Variants in AGAP1 observed in about 807,000 individuals in gnomAD.
AGAP1 encodes ArfGAP with GTPase domain, ankyrin repeat and PH domain 1, also known as arf-GAP with GTPase, ANK repeat and PH domain-containing protein 1.
A neutral mutation model predicts 105.3 loss-of-function variants in AGAP1; 29 were observed. That is an observed-to-expected ratio of 0.28 (90% CI 0.21 to 0.38). The LOEUF (loss-of-function observed/expected upper bound fraction) is 0.38, where lower values mean the gene tolerates loss of function less well. AGAP1 is among the 10% of genes least tolerant of loss of function. The pLI, the probability that AGAP1 is intolerant of heterozygous loss-of-function variation, is 1.00. For missense variants in AGAP1, 998 were observed against 1,165.1 expected (o/e 0.86, Z 2.09); for synonymous variants, 509 against 485.9 (o/e 1.05, Z -0.63).
At position 235,769,617 on chromosome 2, in the gene AGAP1, A is replaced by G. The variant is rs1363511135; in HGVS notation, c.673+19129A>G. Among the ~76,000 whole-genome samples, 2 of 152,172 alleles carry G rather than the reference A, an allele frequency of 1.3e-5. No homozygotes were observed. Among genetic ancestry groups the G allele is most frequent in the Non-Finnish European group, 2.9e-5 (2 of 68,046 alleles). On this transcript the variant is annotated intron_variant, in intron 6 of 17. Coordinates refer to ENST00000304032, the MANE Select transcript of AGAP1 (RefSeq NM_001037131.3). This position sits in a 1 kb window ranked among gnomAD's most constrained non-coding sequence, Gnocchi z 4.4. ...AGTTAGGATGCTCTTGAAGAAGTTT[A>G]GTGACATTCAGAGGAAATCCTTCCA...
rs910051427 is a variant in AGAP1, at chr2:235,733,207, G to A, written c.311-7756G>A. On this transcript the variant is annotated intron_variant, in intron 3 of 17. Transcript: ENST00000304032. The surrounding 1 kb of genome is among the most constrained non-coding windows in gnomAD (Gnocchi z 5.0). ...CCCCCCTGCGTGGGTCACTTCTCCC[G>A]CTCACCAGGCAACACGGGCATCTTC... 5.3e-5 allele frequency among the ~76,000 whole-genome samples: 8 copies of A among 152,256 alleles called. No individual in the cohort carries two copies. In the South Asian group the frequency reaches 8.3e-4, roughly 16 times the overall value.
chr2:236,061,138 C>A lies in AGAP1; in HGVS notation c.2114+11857C>A, dbSNP rs972017046. Among the ~76,000 whole-genome samples, 1 of 152,064 alleles carries A rather than the reference C, an allele frequency of 6.6e-6. No individual in the cohort carries two copies. Among genetic ancestry groups the A allele is most frequent in the African/African-American group, 2.4e-5 (1 of 41,392 alleles). On this transcript the variant is annotated intron_variant, in intron 16 of 17. Coordinates refer to ENST00000304032, the MANE Select transcript of AGAP1 (RefSeq NM_001037131.3). The surrounding 1 kb of genome is among the most constrained non-coding windows in gnomAD (Gnocchi z 4.1). ...TTTCTCCAGAAAATATAAAAATGGC[C>A]AGTAAATACATGAAAAGATGCCTAA...
At chr2:236,033,179 A>G (rs1021229172) in intron 13 of AGAP1, among the ~76,000 whole-genome samples, 2 of 152,116 alleles carry the variant, frequency 1.3e-5, no homozygotes, top group African/African-American at 4.8e-5. Context: ...TGGGAGGCGG[A>G]GGTTGCAGTG....
chr2:235,531,221 G>A (rs1943033953), intron 1 of AGAP1, among the ~76,000 whole-genome samples: 1 of 152,064 alleles, frequency 6.6e-6, no homozygotes, highest in Non-Finnish European at 1.5e-5. Flanking sequence ...CTTTTTGCTG[G>A]GAGGCAGTGC....
At chr2:236,103,244 C>G (rs146301819) in intron 16 of AGAP1, among the ~76,000 whole-genome samples, 1 of 152,210 alleles carries the variant, frequency 6.6e-6, no homozygotes, top group Non-Finnish European at 1.5e-5. Context: ...GGAAAAATCT[C>G]TACACCGAGG....
chr2:235,798,301 A>G (rs1957334856), intron 7 of AGAP1, among the ~76,000 whole-genome samples: 1 of 152,340 alleles, frequency 6.6e-6, no homozygotes, highest in South Asian at 2.1e-4. Flanking sequence ...CTTAGGTCCC[A>G]TAGAAACTGC....
At chr2:235,851,276 G>T (rs540962541) in intron 9 of AGAP1, among the ~76,000 whole-genome samples, 1 of 152,316 alleles carries the variant, frequency 6.6e-6, no homozygotes, top group Non-Finnish European at 1.5e-5. Flanking sequence ...CCTGCTGCTC[G>T]GTCGGAGCTG....
chr2:236,104,826 G>A lies in AGAP1; in HGVS notation c.2115-15366G>A, dbSNP rs2059444882. Among the ~76,000 whole-genome samples, 1 of 152,184 alleles carries A rather than the reference G, an allele frequency of 6.6e-6. No homozygotes were observed. Among genetic ancestry groups the A allele is most frequent in the Non-Finnish European group, 1.5e-5 (1 of 68,032 alleles). On this transcript the variant is annotated intron_variant, in intron 16 of 17. Transcript: ENST00000304032. This position sits in a 1 kb window ranked among gnomAD's most constrained non-coding sequence, Gnocchi z 4.7. ...GAGAATCGCTTGAACCGGGACCCGG[G>A]AGGCGGAGGTAGCAGTGAGCCCAAG...
chr2:235,692,968 G>C lies in AGAP1; in HGVS notation c.164-16211G>C, dbSNP rs1002508574. ...GAGTTGGCAGGTACTGTGCATGGGA[G>C]AGGGAGTGTGGCCTGCAGGCCAGTG... is the stretch of plus-strand genomic sequence containing the variant. On this transcript the variant is annotated intron_variant, in intron 1 of 17. Transcript: ENST00000304032. This position sits in a 1 kb window ranked among gnomAD's most constrained non-coding sequence, Gnocchi z 5.8. 6.6e-6 allele frequency among the ~76,000 whole-genome samples: 1 copy of C among 152,162 alleles called. No individual in the cohort carries two copies. Among genetic ancestry groups the C allele is most frequent in the African/African-American group, 2.4e-5 (1 of 41,438 alleles).
intron 1 of AGAP1, among the ~76,000 whole-genome samples, chr2:235,666,734 A>G (rs914371923): frequency 2.0e-5 from 3 of 151,508 alleles, no homozygotes; most frequent in South Asian, 2.1e-4. Context: ...GGGAGACACA[A>G]ACAGTCCAGT....
intron 13 of AGAP1, among the ~76,000 whole-genome samples, chr2:235,998,544 G>A (rs1266092410): frequency 2.0e-5 from 3 of 152,194 alleles, no homozygotes; most frequent in African/African-American, 7.2e-5. Flanking sequence ...CTGGGAAAAT[G>A]GAATGAGATA....
At chr2:235,547,923 A>G (rs867855080) in intron 1 of AGAP1, among the ~76,000 whole-genome samples, 61 of 152,230 alleles carry the variant, frequency 4.0e-4, no homozygotes, top group African/African-American at 1.1e-3. Flanking sequence ...GTTGAACAGA[A>G]AAGAGCCCGG....
Position 235,551,972 on chromosome 2 carries a change from A to T in AGAP1, c.163+57123A>T, listed in dbSNP as rs1048705982. Among the ~76,000 whole-genome samples the T allele has an allele frequency of 4.6e-5, 7 of 152,210 alleles. No homozygotes were observed. The highest frequency in any genetic ancestry group is 1.7e-4 in the African/African-American group (7 of 41,460). ...TTACCGTCTTTTAAAAAGGAAGTTC[A>T]CAAGATTTCTTGAAAGAACTCTAGT... is the stretch of plus-strand genomic sequence containing the variant. On this transcript the variant is annotated intron_variant, in intron 1 of 17. Coordinates refer to ENST00000304032, the MANE Select transcript of AGAP1 (RefSeq NM_001037131.3). The surrounding 1 kb of genome is among the most constrained non-coding windows in gnomAD (Gnocchi z 4.8).
At chr2:235,783,003 C>G (rs1234889557) in intron 6 of AGAP1, among the ~76,000 whole-genome samples, 1 of 148,764 alleles carries the variant, frequency 6.7e-6, no homozygotes, top group Admixed American at 6.7e-5. Flanking sequence ...TTTTAGACTA[C>G]TTTGTGATCG....
intron 6 of AGAP1, among the ~76,000 whole-genome samples, chr2:235,781,140 CCCTA>C (rs1956237287): frequency 6.6e-6 from 1 of 152,188 alleles, no homozygotes; most frequent in Admixed American, 6.5e-5. Flanking sequence ...ACAGACCTTT[CCCTA>C]CCTGTCATTT....
At chr2:235,670,508 G>A in intron 1 of AGAP1, 1 of 497,164 alleles carries the variant, frequency 2.0e-6, no homozygotes, top group South Asian at 2.8e-5. Flanking sequence ...GCCCGCGTCC[G>A]GCAGCCCCGA....
Position 236,131,268 on chromosome 2 carries a change from C to T in AGAP1, c.*7146C>T, listed in dbSNP as rs59854389. ...GGGTCCCGGGGGCAGGTCTCCTGCA[C>T]TGGCTCTTCCCTTCTGCCAGCTTGG... On this transcript the variant is annotated 3_prime_UTR_variant, in exon 18 of 18. Coordinates refer to ENST00000304032, the MANE Select transcript of AGAP1 (RefSeq NM_001037131.3). The surrounding 1 kb of genome is among the most constrained non-coding windows in gnomAD (Gnocchi z 5.9). 3,451 of 152,376 alleles carry T rather than the reference C, an allele frequency of 0.023. 111 individuals carry two copies. Among genetic ancestry groups the T allele is most frequent in the African/African-American group, 0.078 (3,262 of 41,560 alleles). The allele number at this position is 152,376 out of a possible 1,614,324, so 9.4% of individuals were successfully genotyped here.
rs7600535 is a variant in AGAP1, at chr2:235,951,619, C to T, written c.1484-16843C>T. Reference sequence around the variant, plus strand: ...CCCGGGAAAGGCAGAATGAATGTCACCCACCCTGGGGAAGGTGGCTCGTGT... The same window carrying T: ...CCCGGGAAAGGCAGAATGAATGTCATCCACCCTGGGGAAGGTGGCTCGTGT... On this transcript the variant is annotated intron_variant, in intron 12 of 17. Coordinates refer to ENST00000304032, the MANE Select transcript of AGAP1 (RefSeq NM_001037131.3). This position sits in a 1 kb window ranked among gnomAD's most constrained non-coding sequence, Gnocchi z 4.2. Among the ~76,000 whole-genome samples, 3,309 of 152,268 alleles carry T rather than the reference C, an allele frequency of 0.022. 98 individuals carry two copies. Among genetic ancestry groups the T allele is most frequent in the African/African-American group, 0.065 (2,701 of 41,546 alleles).
At chr2:235,764,011 C>G (rs879373591) in intron 6 of AGAP1, among the ~76,000 whole-genome samples, 1 of 152,098 alleles carries the variant, frequency 6.6e-6, no homozygotes, top group Non-Finnish European at 1.5e-5. Context: ...CCGTGCGTGG[C>G]TGTGACCCGT....
Sources: gnomAD v4.1 joint callset for allele counts (sites outside exome capture counted in the v4.1 genomes callset) on GRCh38, gnomAD v4.1.1 for gene constraint, Gnocchi (gnomAD v3.1) non-coding constraint, MANE v1.5 for transcripts, NCBI Gene and HGNC (gene_info 2026-07-23, HGNC 2026-07-21) for gene names.